Variants in POTEF observed in about 807,000 individuals in gnomAD.
The protein encoded by POTEF is POTE ankyrin domain family member F.
In POTEF, 20 loss-of-function variants were observed where a neutral mutation model predicts 83.2. The ratio of observed to expected loss-of-function variants is 0.24; its 90% confidence interval spans 0.17 to 0.35. The LOEUF (loss-of-function observed/expected upper bound fraction) is 0.35. POTEF is among the 10% of genes least tolerant of loss of function. The pLI, the probability that POTEF is intolerant of heterozygous loss-of-function variation, is 1.00. For synonymous variants in POTEF, 196 were observed against 446.4 expected (o/e 0.44, Z 7.07); for missense variants, 550 against 1,203.2 (o/e 0.46, Z 8.03).
intron 8 of POTEF, among the ~76,000 whole-genome samples, chr2:130,105,310 A>T (rs570948271): frequency 2.0e-5 from 3 of 151,842 alleles, no homozygotes; most frequent in African/African-American, 4.9e-5. Context: ...AAAAAAACAA[A>T]GGCCAACATA....
chr2:130,121,145 T>C (rs1190074538), intron 2 of POTEF, among the ~76,000 whole-genome samples: 1 of 151,388 alleles, frequency 6.6e-6, no homozygotes, highest in South Asian at 2.1e-4. Context: ...GCGTGCGGCG[T>C]GCTTATCTCA....
chr2:130,092,392 AC>A (rs1156666506), intron 12 of POTEF, among the ~76,000 whole-genome samples: 2 of 143,366 alleles, frequency 1.4e-5, no homozygotes, highest in African/African-American at 5.7e-5. Context: ...AAAGATTAAA[AC>A]TACATCTATT....
In POTEF at chr2:130,100,979, A is replaced by G. The variant is rs557717781; in HGVS notation, c.1198-259T>C. On this transcript the variant is annotated intron_variant, in intron 9 of 16. Coordinates refer to ENST00000409914, the MANE Select transcript of POTEF (RefSeq NM_001099771.2). ...GTGAAAAATAATTCACCTTAGCCCA[A>G]TGAAGAAAAAAAACGTGAACCAGCA... Among the ~76,000 whole-genome samples the G allele has an allele frequency of 3.7e-4, 55 of 148,898 alleles. 1 individual carries two copies. In the South Asian group the frequency reaches 0.011, roughly 30 times the overall value.
At chr2:130,105,499 C>G (rs975914514) in intron 8 of POTEF, among the ~76,000 whole-genome samples, 14 of 151,740 alleles carry the variant, frequency 9.2e-5, no homozygotes, top group Non-Finnish European at 1.9e-4. Context: ...TCAATCCCAG[C>G]AAACTATAGG....
Position 130,075,505 on chromosome 2 carries a change from G to T in POTEF, c.1967C>A (p.Ala656Asp). The T allele has an allele frequency of 6.2e-7, 1 of 1,611,102 alleles. No individual in the cohort carries two copies. The highest frequency in any genetic ancestry group is 2.2e-5 in the East Asian group (1 of 44,846). The stretch of plus-strand genomic sequence containing the variant: ...TGTGTCTAGCTCCAGTCTTAGCATG[G>T]CAATTTCTTCCCGCAACGTACTATT... ...HENSTLREEIAMLRLELDTMK... is the reference protein window; with the variant it reads ...HENSTLREEIDMLRLELDTMK... The change falls in exon 17 of 17, where the codon GCC becomes GAC. Residue 656 changes from alanine (A) to aspartate (D), a missense_variant. Physicochemically the swap from Ala to Asp is moderately radical, Grantham distance 126. Coordinates refer to ENST00000409914, the MANE Select transcript of POTEF (RefSeq NM_001099771.2).
intron 8 of POTEF, among the ~76,000 whole-genome samples, chr2:130,102,619 C>T (rs3851964): frequency 2.0e-5 from 3 of 149,054 alleles, no homozygotes; most frequent in African/African-American, 5.0e-5. Flanking sequence ...CCTGAGAAGC[C>T]AGAGCCCACA....
At chr2:130,128,491 C>A (rs1363296042) in intron 1 of POTEF, among the ~76,000 whole-genome samples, 1 of 142,496 alleles carries the variant, frequency 7.0e-6, no homozygotes, top group African/African-American at 2.6e-5. Flanking sequence ...GGCAGTGTAG[C>A]CCCCGGACAG....
chr2:130,118,338 T>G (rs1684897553), intron 3 of POTEF, among the ~76,000 whole-genome samples: 1 of 152,104 alleles, frequency 6.6e-6, no homozygotes, highest in Admixed American at 6.5e-5. Flanking sequence ...CCTATGTGCA[T>G]AGGTCACTGG....
intron 15 of POTEF, among the ~76,000 whole-genome samples, chr2:130,082,874 CA>C (rs1402824232): frequency 1.6e-3 from 4 of 2,462 alleles, no homozygotes; most frequent in Non-Finnish European, 3.2e-3. Context: ...GTGTAGATTT[CA>C]GGAAGGACAT....
At chr2:130,076,744 AT>A (rs1357379004) in intron 16 of POTEF, among the ~76,000 whole-genome samples, 1 of 150,658 alleles carries the variant, frequency 6.6e-6, no homozygotes, top group African/African-American at 2.5e-5. Context: ...CTCTATTAAC[AT>A]TTTTTAAAAA....
intron 8 of POTEF, among the ~76,000 whole-genome samples, chr2:130,106,035 T>G (rs1684519558): frequency 6.6e-6 from 1 of 151,012 alleles, no homozygotes; most frequent in Non-Finnish European, 1.5e-5. Context: ...TTCTCCCTGT[T>G]TAAAAGACAC....
At chr2:130,091,577 A>G (rs1403697806) in intron 12 of POTEF, among the ~76,000 whole-genome samples, 1 of 152,122 alleles carries the variant, frequency 6.6e-6, no homozygotes, top group Non-Finnish European at 1.5e-5. Flanking sequence ...TGAATAAAAC[A>G]CTGTCAACAG....
chr2:130,115,510 G>A (rs1220866499), intron 3 of POTEF, among the ~76,000 whole-genome samples, 182 bp from the exon 4 acceptor site: 13 of 152,066 alleles, frequency 8.5e-5, no homozygotes, highest in African/African-American at 1.2e-4. Flanking sequence ...ATTAATGAAA[G>A]GGCAGCCTAT....
Position 130,075,528 on chromosome 2 carries a change from A to G in POTEF, c.1944T>C (p.Asn648=), listed in dbSNP as rs751345356. Residue 648 remains asparagine (N), a synonymous_variant, in exon 17 of 17, where the codon AAT becomes AAC. Coordinates refer to ENST00000409914, the MANE Select transcript of POTEF (RefSeq NM_001099771.2). ...CKKEKDILHE[N]STLREEIAML... ...TGGCAATTTCTTCCCGCAACGTACT[A>G]TTTTCATGCAAGATGTCTTTTTCTT... 110 of 1,610,792 alleles carry G rather than the reference A, an allele frequency of 6.8e-5. No homozygotes were observed. Among genetic ancestry groups the G allele is most frequent in the Non-Finnish European group, 8.6e-5 (101 of 1,179,646 alleles).
intron 2 of POTEF, among the ~76,000 whole-genome samples, chr2:130,122,295 TTTATTTTTGGTGTA>T (rs1397748534): frequency 2.7e-5 from 4 of 150,082 alleles, no homozygotes; most frequent in Non-Finnish European, 5.9e-5. Context: ...TTTGTTTTAA[TTTATTTTTGGTGTA>T]TACATAGGAG....
At chr2:130,122,898 T>G (rs538059436) in intron 2 of POTEF, among the ~76,000 whole-genome samples, 1 of 151,612 alleles carries the variant, frequency 6.6e-6, no homozygotes, top group Non-Finnish European at 1.5e-5. Context: ...TTGAATATAG[T>G]GTTTATCAGC....
At chr2:130,115,402 C>T (rs1460646453) in intron 3 of POTEF, 74 bp from the exon 4 acceptor site, 5 of 1,490,360 alleles carry the variant, frequency 3.4e-6, no homozygotes, top group African/African-American at 1.4e-5. Flanking sequence ...CATGTAACTG[C>T]AAACACTGAA....
intron 2 of POTEF, among the ~76,000 whole-genome samples, chr2:130,123,824 A>T (rs1450342676): frequency 7.4e-6 from 1 of 135,902 alleles, no homozygotes; most frequent in Non-Finnish European, 1.5e-5. Context: ...AAGTCAGCAA[A>T]AATGATTCTA....
chr2:130,126,027 G>C lies in POTEF; in HGVS notation c.-94+1682C>G, dbSNP rs1445094326. On this transcript the variant is annotated intron_variant, in intron 2 of 16. Transcript: ENST00000409914. ...TCTTGAAAATGGTGGCAGAGAGCCA[G>C]GCGTGGTGGCTCACACCTCCAATCC... Among the ~76,000 whole-genome samples, 5 of 151,860 alleles carry C rather than the reference G, an allele frequency of 3.3e-5. No homozygotes were observed. In the East Asian group the frequency reaches 9.6e-4, roughly 29 times the overall value.
Sources: allele counts gnomAD v4.1 joint callset (sites outside exome capture counted in the v4.1 genomes callset), GRCh38; gene constraint gnomAD v4.1.1; transcripts MANE v1.5; gene names NCBI Gene and HGNC (gene_info 2026-07-23, HGNC 2026-07-21).